Variants in MSH3 observed in about 807,000 individuals in gnomAD.
MSH3 encodes mutS homolog 3, also known as DNA mismatch repair protein Msh3.
MSH3 carries 106 observed loss-of-function variants against 123.3 expected under a neutral mutation model. The observed-to-expected ratio is 0.86, with a 90% confidence interval of 0.73 to 1.01. The LOEUF (loss-of-function observed/expected upper bound fraction) is 1.01. Ranked by LOEUF, MSH3 falls within the 50% of genes least tolerant of loss-of-function variation. MSH3 has a pLI of 0.00. For synonymous variants in MSH3, 515 were observed against 481.4 expected, an observed-to-expected ratio of 1.07 and a Z score of -0.91; for missense variants, 1,459 against 1,347.6, an observed-to-expected ratio of 1.08 and a Z score of -1.29.
chr5:80,737,217 T>A (rs1743526477), intron 10 of MSH3, among the ~76,000 whole-genome samples: 1 of 152,358 alleles, frequency 6.6e-6, no homozygotes, highest in East Asian at 1.9e-4. Context: ...CTGAAAGCTG[T>A]ACACACAGAA....
chr5:80,689,812 A>G (rs547945397), intron 8 of MSH3, among the ~76,000 whole-genome samples: 2 of 151,844 alleles, frequency 1.3e-5, no homozygotes, highest in African/African-American at 2.4e-5. Flanking sequence ...TAAAAGTGTC[A>G]TATCATCAGT....
intron 8 of MSH3, among the ~76,000 whole-genome samples, chr5:80,703,055 G>GGTAAT (rs1750646634): frequency 6.6e-6 from 1 of 152,166 alleles, no homozygotes; most frequent in South Asian, 2.1e-4. Flanking sequence ...TTCTTATTAT[G>GGTAAT]TACCTGGTAC....
intron 8 of MSH3, among the ~76,000 whole-genome samples, chr5:80,695,077 T>C (rs1313863658): frequency 7.2e-6 from 1 of 139,356 alleles, no homozygotes; most frequent in Non-Finnish European, 1.5e-5. Context: ...GTGGTGGTGT[T>C]TTTTTTGTTG....
Position 80,676,052 on chromosome 5 carries a change from C to T in MSH3, c.1173+924C>T, listed in dbSNP as rs568163019. 1.9e-3 allele frequency among the ~76,000 whole-genome samples: 282 copies of T among 152,192 alleles called. 1 individual carries two copies. The highest frequency in any genetic ancestry group is 6.3e-3 in the African/African-American group (263 of 41,524). On this transcript the variant is annotated intron_variant, in intron 7 of 23. Transcript: ENST00000265081. ...GTTTTATTTATTTATTTCTTTGAGA[C>T]GGAGTTTCACCCTTGTCACCCAGGC... is the stretch of plus-strand genomic sequence containing the variant.
chr5:80,835,926 A>AAAGG (rs1346555915), intron 20 of MSH3, among the ~76,000 whole-genome samples: 1 of 152,118 alleles, frequency 6.6e-6, no homozygotes, highest in African/African-American at 2.4e-5. Flanking sequence ...AAAAAGAAAG[A>AAAGG]AAATATTAAT....
chr5:80,679,135 CTTAGGT>C, intron 8 of MSH3, 42 bp downstream of exon 8: 1 of 1,600,136 alleles, frequency 6.2e-7, no homozygotes, highest in African/African-American at 1.3e-5. Flanking sequence ...GATTCTGAAA[CTTAGGT>C]TTAGTTCCAA....
chr5:80,673,033 G>C (rs1749757993), intron 6 of MSH3, among the ~76,000 whole-genome samples, 175 bp downstream of exon 6: 1 of 152,140 alleles, frequency 6.6e-6, no homozygotes, highest in African/African-American at 2.4e-5. Flanking sequence ...GTAGTGGCTG[G>C]AAACAAGCAT....
At chr5:80,713,554 C>G (rs946599379) in intron 8 of MSH3, among the ~76,000 whole-genome samples, 1 of 152,102 alleles carries the variant, frequency 6.6e-6, no homozygotes, top group African/African-American at 2.4e-5. Flanking sequence ...AGGCTTCAGC[C>G]CCACAGCACA....
chr5:80,743,328 T>C (rs1198689598), intron 11 of MSH3, among the ~76,000 whole-genome samples: 1 of 152,148 alleles, frequency 6.6e-6, no homozygotes, highest in African/African-American at 2.4e-5. Flanking sequence ...CTTTGTGACC[T>C]TGTACCTTCT....
intron 19 of MSH3, among the ~76,000 whole-genome samples, chr5:80,796,756 G>T (rs191755618): frequency 1.9e-3 from 288 of 152,166 alleles, no homozygotes; most frequent in African/African-American, 6.9e-3. Context: ...CCAGTTTTAA[G>T]AATACTTTTT....
At chr5:80,727,693 A>G (rs916060925) in intron 9 of MSH3, among the ~76,000 whole-genome samples, 35 of 152,220 alleles carry the variant, frequency 2.3e-4, no homozygotes, top group Admixed American at 8.5e-4. Context: ...GGCATTGGGC[A>G]TACAATAAGG....
At chr5:80,868,051 A>T (rs1580100717) in intron 22 of MSH3, among the ~76,000 whole-genome samples, 2 of 152,334 alleles carry the variant, frequency 1.3e-5, no homozygotes, top group Admixed American at 1.3e-4. Flanking sequence ...AGAGAAATGC[A>T]AATCAAAACC....
chr5:80,769,482 T>C (rs1051311922), intron 15 of MSH3, among the ~76,000 whole-genome samples: 1 of 152,042 alleles, frequency 6.6e-6, no homozygotes, highest in African/African-American at 2.4e-5. Flanking sequence ...GAGTCTTCCA[T>C]AAAATTATGG....
At chr5:80,693,591 A>G (rs1057489079) in intron 8 of MSH3, among the ~76,000 whole-genome samples, 1 of 107,328 alleles carries the variant, frequency 9.3e-6, no homozygotes, top group Non-Finnish European at 1.9e-5. Flanking sequence ...GTATATAAAT[A>G]TATATAAACA....
chr5:80,672,666 T>C, intron 5 of MSH3, 75 bp from the exon 6 acceptor site: 1 of 1,182,758 alleles, frequency 8.5e-7, no homozygotes. Flanking sequence ...AGAATTGACG[T>C]TTAAACATTT....
intron 8 of MSH3, among the ~76,000 whole-genome samples, chr5:80,694,104 G>C (rs1750415785): frequency 6.6e-6 from 1 of 152,180 alleles, no homozygotes; most frequent in Admixed American, 6.5e-5. Flanking sequence ...GATGGCATTA[G>C]ACATCCTGGG....
chr5:80,766,596 G>A (rs140668993), intron 13 of MSH3, among the ~76,000 whole-genome samples: 59 of 152,202 alleles, frequency 3.9e-4, no homozygotes, highest in African/African-American at 1.3e-3. Flanking sequence ...GCCCGCCTCA[G>A]CCTCCCAAAG....
At chr5:80,777,320 G>C (rs1744323881) in intron 16 of MSH3, among the ~76,000 whole-genome samples, 2 of 130,510 alleles carry the variant, frequency 1.5e-5, no homozygotes. Context: ...CTGTACTTTA[G>C]ATTTGAGTAT....
At chr5:80,847,892 A>T (rs991148062) in intron 20 of MSH3, among the ~76,000 whole-genome samples, 4 of 152,064 alleles carry the variant, frequency 2.6e-5, no homozygotes, top group Admixed American at 2.6e-4. Flanking sequence ...GGTCTTTCTC[A>T]TTGCTGTTCT....
Sources: gnomAD v4.1 joint callset for allele counts (sites outside exome capture counted in the v4.1 genomes callset) on GRCh38, gnomAD v4.1.1 for gene constraint, MANE v1.5 for transcripts, NCBI Gene and HGNC (gene_info 2026-07-23, HGNC 2026-07-21) for gene names.